MACO1: variants seen among roughly 807,000 people sequenced by gnomAD.
The protein encoded by MACO1 is macoilin 1.
In MACO1, 14 loss-of-function variants were observed where a neutral mutation model predicts 78.7. The ratio of observed to expected loss-of-function variants is 0.18; its 90% confidence interval spans 0.12 to 0.28. The LOEUF (loss-of-function observed/expected upper bound fraction) is 0.28, where lower values mean the gene tolerates loss of function less well. MACO1 is among the 10% of genes least tolerant of loss of function. The pLI is 1.00. For synonymous variants in MACO1, 288 were observed against 291.6 expected (o/e 0.99, Z 0.12); for missense variants, 501 against 799.0 (o/e 0.63, Z 4.50).
chr1:25,437,942 C>T (rs950708557), intron 1 of MACO1, among the ~76,000 whole-genome samples: 8 of 151,584 alleles, frequency 5.3e-5, no homozygotes, highest in South Asian at 4.2e-4. Context: ...ATTGGCTGGG[C>T]GTGGTGGTTA....
At chr1:25,445,547 C>CT (rs1034667029) in intron 1 of MACO1, among the ~76,000 whole-genome samples, 12 of 151,164 alleles carry the variant, frequency 7.9e-5, no homozygotes, top group South Asian at 2.1e-4. Flanking sequence ...CTGGATCCTA[C>CT]TTTTTTTTTC....
chr1:25,462,239 C>A (rs1049697665), intron 6 of MACO1, among the ~76,000 whole-genome samples: 8 of 152,248 alleles, frequency 5.3e-5, no homozygotes, highest in Admixed American at 1.3e-4. Context: ...TGCACAGTTT[C>A]AGGCCAACAA....
In MACO1 at chr1:25,472,781, C is replaced by T. The variant is rs545101877; in HGVS notation, c.1155-11335C>T. Among the ~76,000 whole-genome samples the T allele has an allele frequency of 7.9e-5, 12 of 152,290 alleles. No homozygotes were observed. The South Asian group carries it at 2.1e-3, about 26-fold the overall frequency. On this transcript the variant is annotated intron_variant, in intron 6 of 10. Coordinates refer to ENST00000374343, the MANE Select transcript of MACO1 (RefSeq NM_018202.6). ...TGCTGACAGATTGCTGCAGAGTCAC[C>T]TGCTTGACCCCTCCCTGAGTGATGG...
At chr1:25,455,161 A>G (rs557663560) in intron 4 of MACO1, among the ~76,000 whole-genome samples, 1 of 152,350 alleles carries the variant, frequency 6.6e-6, no homozygotes, top group South Asian at 2.1e-4. Context: ...GAAACTTAAA[A>G]TAATTTAGAA....
chr1:25,448,138 G>A (rs2043032026), intron 2 of MACO1, among the ~76,000 whole-genome samples: 1 of 126,188 alleles, frequency 7.9e-6, no homozygotes, highest in Admixed American at 8.2e-5. Context: ...AATGGTTTGT[G>A]AGGAGAGAGA....
At chr1:25,431,578 C>T (rs2042869984) in intron 1 of MACO1, among the ~76,000 whole-genome samples, 1 of 152,036 alleles carries the variant, frequency 6.6e-6, no homozygotes, top group Non-Finnish European at 1.5e-5. Context: ...CCCCGGTGGC[C>T]TGGGGGCTTG....
intron 6 of MACO1, among the ~76,000 whole-genome samples, chr1:25,460,661 T>C (rs1182356938): frequency 6.6e-6 from 1 of 152,120 alleles, no homozygotes; most frequent in Non-Finnish European, 1.5e-5. Context: ...TACTAAATGA[T>C]GGTTTGTGAT....
At chr1:25,494,486 G>A (rs74063425) in intron 10 of MACO1, among the ~76,000 whole-genome samples, 7,717 of 152,218 alleles carry the variant, frequency 0.051, 613 homozygotes, top group African/African-American at 0.17. Flanking sequence ...GACCATGAAC[G>A]AAGCCATACT....
intron 6 of MACO1, among the ~76,000 whole-genome samples, chr1:25,460,339 A>G (rs908702724): frequency 4.6e-5 from 7 of 152,038 alleles, no homozygotes; most frequent in African/African-American, 1.2e-4. Flanking sequence ...GGAATATCCC[A>G]CAAATTCACT....
chr1:25,499,233 T>C lies in MACO1; in HGVS notation c.*767T>C, dbSNP rs904010392. The C allele has an allele frequency of 1.6e-4, 24 of 152,234 alleles. No homozygotes were observed. Among genetic ancestry groups the C allele is most frequent in the African/African-American group, 5.1e-4 (21 of 41,464 alleles). The allele number at this position is 152,234 out of a possible 1,614,324, so 9.4% of individuals were successfully genotyped here. A position where few individuals can be genotyped will look rare whatever the true frequency, so the allele number is the denominator to read the frequency against. ...CCCCTTTACCGTCATCTATCCTCTA[T>C]CTGTATCAAGCTCACTGCGGATCCT... On this transcript the variant is annotated 3_prime_UTR_variant, in exon 11 of 11. Transcript: ENST00000374343.
At chr1:25,487,722 A>C (rs977551204) in intron 8 of MACO1, among the ~76,000 whole-genome samples, 7 of 152,160 alleles carry the variant, frequency 4.6e-5, no homozygotes, top group African/African-American at 1.7e-4. Flanking sequence ...GTAGCCCCTC[A>C]AAAGTGGGGG....
At chr1:25,441,657 T>C (rs1403328861) in intron 1 of MACO1, among the ~76,000 whole-genome samples, 1 of 152,252 alleles carries the variant, frequency 6.6e-6, no homozygotes, top group Non-Finnish European at 1.5e-5. Context: ...TGTGATTCAG[T>C]GTTCTTATAG....
Position 25,485,864 on chromosome 1 carries a change from T to C in MACO1, c.1496+69T>C. On this transcript the variant is annotated intron_variant, in intron 8 of 10. Coordinates refer to ENST00000374343, the MANE Select transcript of MACO1 (RefSeq NM_018202.6). The surrounding 1 kb of genome is among the most constrained non-coding windows in gnomAD (Gnocchi z 4.3). The stretch of plus-strand genomic sequence containing the variant: ...CTTTACCAACAAAGACATGGGAATT[T>C]GGTGCCTTGGGCAGGATTGGACGTA... The C allele has an allele frequency of 6.5e-7, 1 of 1,529,040 alleles. No individual in the cohort carries two copies. Among genetic ancestry groups the C allele is most frequent in the Non-Finnish European group, 8.8e-7 (1 of 1,130,390 alleles). 94.7% of individuals were successfully genotyped at this position (1,529,040 alleles called of 1,614,324 possible).
intron 6 of MACO1, among the ~76,000 whole-genome samples, chr1:25,480,932 ATATAT>A (rs1557673323): frequency 0.043 from 3,075 of 71,592 alleles, 77 homozygotes; most frequent in Non-Finnish European, 0.059. Context: ...AAAAAAAAAT[ATATAT>A]ATATATATAT....
intron 8 of MACO1, among the ~76,000 whole-genome samples, chr1:25,488,326 G>T (rs970676876): frequency 6.6e-6 from 1 of 151,868 alleles, no homozygotes; most frequent in Admixed American, 6.6e-5. Flanking sequence ...CTGGGATTAC[G>T]GGCATGAGCC....
chr1:25,474,997 C>A (rs531323867), intron 6 of MACO1, among the ~76,000 whole-genome samples: 8 of 152,244 alleles, frequency 5.3e-5, no homozygotes, highest in African/African-American at 1.9e-4. Flanking sequence ...TTTAGAAAAA[C>A]TATTATTTTG....
chr1:25,471,748 A>G (rs751191041), intron 6 of MACO1, among the ~76,000 whole-genome samples: 1 of 152,194 alleles, frequency 6.6e-6, no homozygotes, highest in Non-Finnish European at 1.5e-5. Context: ...ATTAGACCCA[A>G]TCGAGGACTG....
chr1:25,437,528 T>C, intron 1 of MACO1, among the ~76,000 whole-genome samples: 1 of 152,070 alleles, frequency 6.6e-6, no homozygotes, highest in East Asian at 1.9e-4. Flanking sequence ...GCAAGAATAG[T>C]TGAACATTAA....
At chr1:25,495,735 G>A (rs919118816) in intron 10 of MACO1, among the ~76,000 whole-genome samples, 1 of 152,146 alleles carries the variant, frequency 6.6e-6, no homozygotes, top group African/African-American at 2.4e-5. Context: ...AGGCCAAGGT[G>A]GGCGGATCAC....
Sources: gnomAD v4.1 joint callset for allele counts (sites outside exome capture counted in the v4.1 genomes callset) on GRCh38, gnomAD v4.1.1 for gene constraint, Gnocchi (gnomAD v3.1) non-coding constraint, MANE v1.5 for transcripts, NCBI Gene and HGNC (gene_info 2026-07-23, HGNC 2026-07-21) for gene names.